The following PTK2 variants were observed in gnomAD, a reference collection of about 807,000 sequenced individuals.
PTK2 encodes protein tyrosine kinase 2, also known as focal adhesion kinase 1.
In PTK2, 45 loss-of-function variants were observed where a neutral mutation model predicts 150.1. The ratio of observed to expected loss-of-function variants is 0.30; its 90% CI spans 0.24 to 0.38. PTK2 has a LOEUF of 0.38. Ranked by LOEUF, PTK2 falls within the 10% of genes least tolerant of loss-of-function variation. PTK2 has a pLI of 1.00. For missense variants in PTK2, 919 were observed against 1,307.3 expected (o/e 0.70, Z 4.58); for synonymous variants, 432 against 449.2 (o/e 0.96, Z 0.48).
intron 29 of PTK2, chr8:140,669,468 GATTA>G: frequency 2.1e-6 from 1 of 478,572 alleles, no homozygotes; most frequent in Non-Finnish European, 3.7e-6. Flanking sequence ...ATCTGGAACA[GATTA>G]ATTCTTGGTT....
rs561200705 is a variant in PTK2 at position 140,776,276 on chromosome 8, T to C, written c.1178-11986A>G. ...CCTCGGCCTCTCAAAGAGCTGGCAT[T>C]AAAGGTGTGAGCCACCATACCTGGC... On this transcript the variant is annotated intron_variant, in intron 14 of 31. Coordinates refer to ENST00000522684, the Ensembl canonical transcript of PTK2. 1.3e-4 allele frequency among the ~76,000 whole-genome samples: 20 copies of C among 152,374 alleles called. No individual in the cohort carries two copies. In the East Asian group the frequency reaches 3.7e-3, roughly 28 times the overall value.
At chr8:140,923,408 T>C (rs1420107879) in intron 2 of PTK2, among the ~76,000 whole-genome samples, 1 of 152,196 alleles carries the variant, frequency 6.6e-6, no homozygotes, top group African/African-American at 2.4e-5. Flanking sequence ...TACTTCCCTA[T>C]TTTCATAGAA....
At chr8:140,665,464 G>A (rs765123908) in intron 30 of PTK2, among the ~76,000 whole-genome samples, 2 of 152,166 alleles carry the variant, frequency 1.3e-5, no homozygotes, top group Non-Finnish European at 2.9e-5. Flanking sequence ...TGCCCCGGAT[G>A]CAAGGGGGCA....
At chr8:140,819,102 T>C (rs754474181) in intron 8 of PTK2, 82 bp from the exon 9 acceptor site, 48 of 1,396,548 alleles carry the variant, frequency 3.4e-5, no homozygotes, top group Non-Finnish European at 4.6e-5. Flanking sequence ...ATTTCTTTCC[T>C]ACCAACTACT....
At chr8:140,948,710 A>G (rs532693468) in intron 1 of PTK2, 1 of 152,320 alleles carries the variant, frequency 6.6e-6, no homozygotes, top group Admixed American at 6.5e-5. Flanking sequence ...ATCCAGATTC[A>G]ACCAACCATG....
intron 16 of PTK2, among the ~76,000 whole-genome samples, chr8:140,755,813 T>C (rs1294583772): frequency 6.6e-6 from 1 of 152,272 alleles, no homozygotes; most frequent in Non-Finnish European, 1.5e-5. Context: ...AAGTATCCAA[T>C]GGTTGGTCCT....
chr8:140,823,804 T>TA (rs1189458433), intron 8 of PTK2, among the ~76,000 whole-genome samples: 2 of 152,232 alleles, frequency 1.3e-5, no homozygotes, highest in African/African-American at 4.8e-5. Context: ...AGACAGCACT[T>TA]AAGTGTATGG....
intron 2 of PTK2, among the ~76,000 whole-genome samples, chr8:140,896,368 CT>C (rs1296057614): frequency 3.3e-5 from 5 of 152,114 alleles, no homozygotes; most frequent in Admixed American, 6.5e-5. Context: ...GTCTACCTTT[CT>C]TATAAACACA....
intron 24 of PTK2, among the ~76,000 whole-genome samples, chr8:140,705,209 G>A (rs1360755883): frequency 6.6e-6 from 1 of 152,130 alleles, no homozygotes; most frequent in Non-Finnish European, 1.5e-5. Flanking sequence ...ATTACTGACA[G>A]TTAAGTACCA....
chr8:140,697,326 A>C (rs918037607), intron 26 of PTK2, among the ~76,000 whole-genome samples: 2 of 151,914 alleles, frequency 1.3e-5, no homozygotes, highest in South Asian at 2.1e-4. Flanking sequence ...CAAAAAAAAA[A>C]ACACCACATA....
intron 4 of PTK2, among the ~76,000 whole-genome samples, chr8:140,870,246 G>A (rs981220362): frequency 1.3e-5 from 2 of 152,030 alleles, no homozygotes; most frequent in Admixed American, 6.6e-5. Flanking sequence ...AGCACATATG[G>A]CAGAAACCTA....
intron 2 of PTK2, among the ~76,000 whole-genome samples, chr8:140,916,118 A>T (rs1404498250): frequency 1.3e-5 from 2 of 152,182 alleles, no homozygotes; most frequent in Non-Finnish European, 2.9e-5. Flanking sequence ...TAGAAATGAA[A>T]AGGGAGAGTT....
intron 1 of PTK2, among the ~76,000 whole-genome samples, chr8:140,926,353 G>A (rs1158933444): frequency 1.3e-5 from 2 of 152,122 alleles, no homozygotes; most frequent in Non-Finnish European, 2.9e-5. Flanking sequence ...CCAGCCAGAT[G>A]ACACAGTTAA....
intron 2 of PTK2, chr8:140,921,145 C>A: frequency 8.0e-7 from 1 of 1,252,106 alleles, no homozygotes; most frequent in Non-Finnish European, 1.0e-6. Context: ...GAAACACAGA[C>A]CATCCTGGCT....
rs527693045 is a variant in PTK2, at chr8:140,987,498, T to C, written c.-122+13627A>G. Among the ~76,000 whole-genome samples the C allele has an allele frequency of 1.8e-4, 28 of 152,268 alleles. No homozygotes were observed. The East Asian group carries it at 4.2e-3, about 23-fold the overall frequency. On this transcript the variant is annotated intron_variant, in intron 1 of 31. Transcript: ENST00000522684. Reference sequence around the variant, plus strand: ...GCCCAGCTAACAACTTTAAAATGCATAAAAGATTTAAACACAGAGATATGC... The same window carrying C: ...GCCCAGCTAACAACTTTAAAATGCACAAAAGATTTAAACACAGAGATATGC...
At chr8:140,846,220 C>G (rs2100125367) in intron 7 of PTK2, 40 bp downstream of exon 7, 1 of 1,466,418 alleles carries the variant, frequency 6.8e-7, no homozygotes, top group South Asian at 1.3e-5. Context: ...GAATTTAGTT[C>G]TGCATATTTG....
At chr8:140,697,416 T>TTGTGTGTGTGTGTGTGTGTGTG (rs34459077) in intron 26 of PTK2, among the ~76,000 whole-genome samples, 48 of 145,814 alleles carry the variant, frequency 3.3e-4, no homozygotes, top group African/African-American at 1.1e-3. Flanking sequence ...AGAATACGGT[T>TTGTGTGTGTGTGTGTGTGTGTG]TGTGTGTGTG....
At chr8:140,811,041 C>T (rs867724412) in intron 10 of PTK2, among the ~76,000 whole-genome samples, 6 of 152,234 alleles carry the variant, frequency 3.9e-5, no homozygotes, top group Non-Finnish European at 8.8e-5. Context: ...AGCAACCTGC[C>T]GGGCTGATGA....
rs73356561 is a variant in PTK2 at position 140,974,743 on chromosome 8, T to G, written c.-122+26382A>C. On this transcript the variant is annotated intron_variant, in intron 1 of 31. Transcript: ENST00000522684. ...TCCTTTCTGATAATGTGATGAAAGCTCTAGAATTCTCTCCCCAGGGAAAAA... is the reference window on the plus strand; with the variant it reads ...TCCTTTCTGATAATGTGATGAAAGCGCTAGAATTCTCTCCCCAGGGAAAAA... 2.8e-3 allele frequency among the ~76,000 whole-genome samples: 427 copies of G among 152,270 alleles called. 4 individuals are homozygous for G. The highest frequency in any genetic ancestry group is 0.02 in the Middle Eastern group (6 of 294).
Sources: gnomAD v4.1 joint callset for allele counts (sites outside exome capture counted in the v4.1 genomes callset) on GRCh38, gnomAD v4.1.1 for gene constraint, MANE v1.5 for transcripts, NCBI Gene and HGNC (gene_info 2026-07-23, HGNC 2026-07-21) for gene names.